LMOD1: variants seen among roughly 807,000 people sequenced by gnomAD.
LMOD1 encodes the protein leiomodin-1.
LMOD1 carries 8 observed loss-of-function variants against 36.5 expected under a neutral mutation model. The observed-to-expected ratio is 0.22, with a 90% CI of 0.13 to 0.40. The LOEUF is 0.40. Ranked by LOEUF, LMOD1 falls within the 10% of genes least tolerant of loss-of-function variation. The pLI, the probability that LMOD1 is intolerant of heterozygous loss-of-function variation, is 1.00. For missense variants in LMOD1, 630 were observed against 751.1 expected (o/e 0.84, Z 1.88); for synonymous variants, 284 against 288.7 (o/e 0.98, Z 0.17).
chr1:201,918,903 CTTT>C (rs1180708171), intron 1 of LMOD1, among the ~76,000 whole-genome samples: 4 of 152,072 alleles, frequency 2.6e-5, no homozygotes, highest in Admixed American at 1.3e-4. Flanking sequence ...TACTCTATTT[CTTT>C]TTTAGGGACA....
At chr1:201,938,840 A>C (rs1301446894) in intron 1 of LMOD1, among the ~76,000 whole-genome samples, 1 of 152,184 alleles carries the variant, frequency 6.6e-6, no homozygotes, top group Non-Finnish European at 1.5e-5. Flanking sequence ...CCCCAGGGAC[A>C]GCTGAAGCCA....
chr1:201,926,306 G>A (rs563279143), intron 1 of LMOD1, among the ~76,000 whole-genome samples: 2 of 152,098 alleles, frequency 1.3e-5, no homozygotes, highest in South Asian at 4.1e-4. Context: ...TCTTTTAGGG[G>A]CTTTGTTTCA....
In LMOD1 at chr1:201,901,596, GTATA is replaced by G. The variant is rs376484547; in HGVS notation, c.262-849_262-846del. Among the ~76,000 whole-genome samples the G allele has an allele frequency of 5.1e-4, 32 of 62,926 alleles. 2 individuals carry two copies. Among genetic ancestry groups the G allele is most frequent in the African/African-American group, 1.9e-3 (22 of 11,552 alleles). 41.3% of individuals were successfully genotyped at this position (62,926 alleles called of 152,430 possible). ...TATATATATATATACATATATATAT[GTATA>G]TATATATATACACATATATATGTGT... On this transcript the variant is annotated intron_variant, in intron 1 of 2. Transcript: ENST00000367288.
chr1:201,919,018 G>A (rs771671675), intron 1 of LMOD1, among the ~76,000 whole-genome samples: 4 of 151,832 alleles, frequency 2.6e-5, no homozygotes, highest in African/African-American at 9.7e-5. Flanking sequence ...TCAGCTTTCC[G>A]AGTATCTAGG....
intron 1 of LMOD1, among the ~76,000 whole-genome samples, chr1:201,909,262 G>A (rs978363795): frequency 5.3e-5 from 8 of 152,180 alleles, no homozygotes; most frequent in Admixed American, 3.3e-4. Context: ...GGGGTGGGGC[G>A]TAGCATGCAG....
In LMOD1 at chr1:201,900,592, C is replaced by T. The variant is rs1406911584; in HGVS notation, c.421G>A (p.Ala141Thr). 1.2e-6 allele frequency: 2 copies of T among 1,613,810 alleles called. No individual in the cohort carries two copies. The highest frequency in any genetic ancestry group is 2.7e-5 in the African/African-American group (2 of 74,914). The change falls in exon 2 of 3, where the codon GCT becomes ACT. Residue 141 changes from alanine (A) to threonine (T), a missense_variant. By Grantham distance (58) the Ala-to-Thr change is moderately conservative. Around this residue, in one of 3 missense-constraint regions of LMOD1, gnomAD observed 405 missense variants for 400.6 expected, o/e 1.01. Coordinates refer to ENST00000367288, the MANE Select transcript of LMOD1 (RefSeq NM_012134.3). ...GGCTTCTCGCCACTCTTGCCACCAGCTTCATCTCTGTCTCTAGAGAAGCTT... is the reference window on the plus strand; with the variant it reads ...GGCTTCTCGCCACTCTTGCCACCAGTTTCATCTCTGTCTCTAGAGAAGCTT... ...KKSFSRDRDE[A>T]GGKSGEKPKE... is the part of the protein sequence containing the mutation.
At chr1:201,940,255 C>T (rs1199003286) in intron 1 of LMOD1, among the ~76,000 whole-genome samples, 2 of 146,984 alleles carry the variant, frequency 1.4e-5, no homozygotes, top group Admixed American at 1.4e-4. Flanking sequence ...GGCACGATCT[C>T]GGCTCACTGC....
At chr1:201,940,741 G>A (rs1461273439) in intron 1 of LMOD1, among the ~76,000 whole-genome samples, 1 of 136,810 alleles carries the variant, frequency 7.3e-6, no homozygotes, top group Non-Finnish European at 1.6e-5. Flanking sequence ...GCACCACCAC[G>A]CCCAGCATTT....
rs527608389 is a variant in LMOD1, at chr1:201,899,624, G to C, written c.1389C>G (p.Val463=). ...HFELAGPRMT[V]TNLLSRNMDK... The stretch of plus-strand genomic sequence containing the variant: ...CCATGTTGCGGCTGAGCAGATTGGT[G>C]ACAGTCATTCGGGGCCCGGCCAGCT... The change falls in exon 2 of 3, where the codon GTC becomes GTG. Residue 463 remains valine, a synonymous_variant. Coordinates refer to ENST00000367288, the MANE Select transcript of LMOD1 (RefSeq NM_012134.3). This position sits in a 1 kb window ranked among gnomAD's most constrained non-coding sequence, Gnocchi z 6.3. 1.9e-6 allele frequency: 3 copies of C among 1,612,976 alleles called. No homozygotes were observed. In the East Asian group the frequency reaches 6.7e-5, roughly 36 times the overall value.
At chr1:201,923,265 C>A (rs1199761152) in intron 1 of LMOD1, among the ~76,000 whole-genome samples, 2 of 152,162 alleles carry the variant, frequency 1.3e-5, no homozygotes, top group African/African-American at 2.4e-5. Context: ...GCCACCAAGA[C>A]TGAGCAACAC....
chr1:201,934,554 C>T (rs1681982772), intron 1 of LMOD1, among the ~76,000 whole-genome samples: 1 of 152,168 alleles, frequency 6.6e-6, no homozygotes, highest in Non-Finnish European at 1.5e-5. Flanking sequence ...CAAAAATATC[C>T]TCCCTGATTC....
intron 1 of LMOD1, among the ~76,000 whole-genome samples, chr1:201,933,232 G>A (rs896891673): frequency 2.6e-5 from 4 of 151,998 alleles, no homozygotes; most frequent in African/African-American, 9.7e-5. Flanking sequence ...TGGCCAACGT[G>A]GTGAAACCCC....
chr1:201,946,277 C>T lies in LMOD1; in HGVS notation c.64G>A (p.Glu22Lys). Residue 22 changes from glutamate to lysine, a missense_variant, in exon 1 of 3, where the codon GAG (glutamate) becomes AAG (lysine). Transcript: ENST00000367288. The stretch of plus-strand genomic sequence containing the variant: ...TCCATCTCCTCGGGAGACAGGGTCT[C>T]CAGCAGGCTGTCGATGTCGGGGTCT... ...SEDPDIDSLL[E>K]TLSPEEMEEL... The T allele has an allele frequency of 6.2e-7, 1 of 1,614,038 alleles. No homozygotes were observed. Among genetic ancestry groups the T allele is most frequent in the Non-Finnish European group, 8.5e-7 (1 of 1,179,900 alleles).
In LMOD1 at chr1:201,899,116, G is replaced by A. The variant is rs957018888; in HGVS notation, c.1776+121C>T. 6 of 895,610 alleles carry A rather than the reference G, an allele frequency of 6.7e-6. No individual in the cohort carries two copies. The African/African-American group carries it at 8.5e-5, about 13-fold the overall frequency. The allele number at this position is 895,610 out of a possible 1,614,324, so 55.5% of individuals were successfully genotyped here. On this transcript the variant is annotated intron_variant, in intron 2 of 2. Transcript: ENST00000367288. The surrounding 1 kb of genome is among the most constrained non-coding windows in gnomAD (Gnocchi z 6.3). ...GACCTGAAGTCCCCTATGGGCCCTG[G>A]GAGTCTATATCATCTGCAGCCGACA...
intron 1 of LMOD1, among the ~76,000 whole-genome samples, chr1:201,937,029 A>G (rs2102930073): frequency 6.6e-6 from 1 of 152,322 alleles, no homozygotes; most frequent in East Asian, 1.9e-4. Context: ...GATATGTCAT[A>G]TACTCTTCCC....
intron 1 of LMOD1, among the ~76,000 whole-genome samples, chr1:201,939,173 A>C (rs1037263354): frequency 6.6e-6 from 1 of 151,650 alleles, no homozygotes; most frequent in African/African-American, 2.4e-5. Context: ...GAGATAAAAT[A>C]ATGTTGATTT....
intron 1 of LMOD1, among the ~76,000 whole-genome samples, chr1:201,911,312 G>A (rs528763261): frequency 1.4e-4 from 22 of 152,202 alleles, no homozygotes; most frequent in Non-Finnish European, 2.5e-4. Flanking sequence ...GGTCCAGATG[G>A]CTTTTGCTAA....
At position 201,946,352 on chromosome 1, in the gene LMOD1, G is replaced by A. The variant is rs772207965; in HGVS notation, c.-12C>T. On this transcript the variant is annotated 5_prime_UTR_variant, in exon 1 of 3. Coordinates refer to ENST00000367288, the MANE Select transcript of LMOD1 (RefSeq NM_012134.3). The stretch of plus-strand genomic sequence containing the variant: ...GCTACTCTAGACATCTTGGCAAAAT[G>A]GGCTGTGGCTGCCAGGGGCTATCAG... 6.2e-7 allele frequency: 1 copy of A among 1,611,866 alleles called. No homozygotes were observed.
chr1:201,924,473 G>A lies in LMOD1; in HGVS notation c.261+21607C>T, dbSNP rs558980683. ...GGAGGGAGGGAGGGAAGGAAGGAAGGAAGGAAGCAAGGAAGGAGGGAGGGA... is the reference window on the plus strand; with the variant it reads ...GGAGGGAGGGAGGGAAGGAAGGAAGAAAGGAAGCAAGGAAGGAGGGAGGGA... On this transcript the variant is annotated intron_variant, in intron 1 of 2. Transcript: ENST00000367288. Among the ~76,000 whole-genome samples the A allele has an allele frequency of 1.2e-3, 112 of 94,274 alleles. 9 individuals carry two copies. The highest frequency in any genetic ancestry group is 4.6e-3 in the African/African-American group (104 of 22,798). The allele number at this position is 94,274 out of a possible 152,430, so 61.8% of individuals were successfully genotyped here.
Sources: gnomAD v4.1 joint callset for allele counts (sites outside exome capture counted in the v4.1 genomes callset) on GRCh38, gnomAD v4.1.1 for gene constraint, gnomAD v4.1.1 regional missense constraint, Gnocchi (gnomAD v3.1) non-coding constraint, MANE v1.5 for transcripts, NCBI Gene and HGNC (gene_info 2026-07-23, HGNC 2026-07-21) for gene names.